TFDP2: variants seen among roughly 807,000 people sequenced by gnomAD.
The protein encoded by TFDP2 is transcription factor Dp-2, also known as transcription factor Dp-2 (E2F dimerization partner 2).
TFDP2 carries 17 observed loss-of-function variants against 59.3 expected under a neutral mutation model. That is an observed-to-expected ratio of 0.29 (90% CI 0.20 to 0.43). The LOEUF is 0.43. Among genes scored for constraint, TFDP2 ranks in the 20% least tolerant of loss-of-function variants. TFDP2 has a pLI of 1.00. For missense variants in TFDP2, 391 were observed against 528.8 expected (o/e 0.74, Z 2.56); for synonymous variants, 180 against 194.7 (o/e 0.92, Z 0.63).
chr3:142,126,945 CAAA>C (rs780512383), intron 1 of TFDP2, among the ~76,000 whole-genome samples: 6 of 55,430 alleles, frequency 1.1e-4, no homozygotes, highest in Admixed American at 4.0e-4. Flanking sequence ...GACCTTGTCT[CAAA>C]AAAAAAAAAA....
At chr3:142,035,762 TCCTGCACAAGCGCTCCTCTCTTTG>T (rs1946668187) in intron 3 of TFDP2, among the ~76,000 whole-genome samples, 1 of 152,192 alleles carries the variant, frequency 6.6e-6, no homozygotes, top group Non-Finnish European at 1.5e-5. Context: ...GTGGGAGTTT[TCCTGCACAAGCGCTCCTCTCTTTG>T]CCTGCTGCCA....
chr3:142,042,691 T>C (rs1190232560), intron 3 of TFDP2, among the ~76,000 whole-genome samples: 1 of 148,304 alleles, frequency 6.7e-6, no homozygotes, highest in Non-Finnish European at 1.5e-5. Context: ...ATGAATTTTA[T>C]ATATAGCTTT....
At chr3:142,089,117 C>T (rs2060913281) in intron 3 of TFDP2, among the ~76,000 whole-genome samples, 1 of 152,070 alleles carries the variant, frequency 6.6e-6, no homozygotes, top group African/African-American at 2.4e-5. Flanking sequence ...GTGTGAGTCA[C>T]TGCGTCCAGC....
chr3:141,969,202 A>G (rs1432236592), intron 9 of TFDP2, among the ~76,000 whole-genome samples: 4 of 87,164 alleles, frequency 4.6e-5, no homozygotes, highest in Non-Finnish European at 4.4e-5. Context: ...ATATATATAT[A>G]TAACATATAT....
At chr3:142,029,358 C>CA (rs1946311467) in intron 3 of TFDP2, among the ~76,000 whole-genome samples, 3 of 150,564 alleles carry the variant, frequency 2.0e-5, no homozygotes, top group Admixed American at 2.0e-4. Context: ...TTTTTTTTTC[C>CA]ACTTTCCCAC....
intron 4 of TFDP2, chr3:142,000,463 C>T (rs1269058793): frequency 1.4e-5 from 7 of 511,760 alleles, no homozygotes; most frequent in African/African-American, 3.8e-5. Context: ...CAAAAGGCCC[C>T]GCCTCTTAAT....
chr3:142,099,520 G>A (rs771779628), intron 2 of TFDP2, among the ~76,000 whole-genome samples: 10 of 151,958 alleles, frequency 6.6e-5, no homozygotes, highest in Non-Finnish European at 1.5e-4. Flanking sequence ...TGACCAACAT[G>A]GAGAAACCCC....
At chr3:142,074,267 G>T (rs1178857380) in intron 3 of TFDP2, among the ~76,000 whole-genome samples, 1 of 152,102 alleles carries the variant, frequency 6.6e-6, no homozygotes, top group African/African-American at 2.4e-5. Flanking sequence ...AAACTAGCCA[G>T]GCATGGTGGC....
intron 5 of TFDP2, among the ~76,000 whole-genome samples, chr3:141,994,048 A>G (rs1439822451): frequency 6.6e-6 from 1 of 152,234 alleles, no homozygotes; most frequent in Non-Finnish European, 1.5e-5. Context: ...TGATCTACAT[A>G]AGAATGTTCA....
At chr3:142,120,326 C>T (rs886086013) in intron 1 of TFDP2, among the ~76,000 whole-genome samples, 4 of 151,950 alleles carry the variant, frequency 2.6e-5, no homozygotes, top group Non-Finnish European at 5.9e-5. Flanking sequence ...CGCGCCACTG[C>T]ACTCCAACCT....
chr3:141,978,477 G>A (rs1330954876), intron 7 of TFDP2, 43 bp downstream of exon 7: 3 of 1,572,738 alleles, frequency 1.9e-6, no homozygotes, highest in Non-Finnish European at 2.6e-6. Context: ...CAAAGAAGTA[G>A]CATCATCCAT....
chr3:142,024,061 T>C (rs1560052591), intron 3 of TFDP2, among the ~76,000 whole-genome samples: 1 of 152,216 alleles, frequency 6.6e-6, no homozygotes, highest in Non-Finnish European at 1.5e-5. Flanking sequence ...CTCCAGGTGC[T>C]GGGATTACAG....
At chr3:142,081,775 C>T (rs1278611371) in intron 3 of TFDP2, among the ~76,000 whole-genome samples, 1 of 152,072 alleles carries the variant, frequency 6.6e-6, no homozygotes, top group Non-Finnish European at 1.5e-5. Flanking sequence ...CAACACTGAA[C>T]CATAAAGTAA....
chr3:142,058,672 G>C (rs2059819966), intron 3 of TFDP2, among the ~76,000 whole-genome samples: 1 of 152,144 alleles, frequency 6.6e-6, no homozygotes. Flanking sequence ...AAATCGAAGA[G>C]AAACGTAAGA....
At chr3:142,041,785 A>G (rs1946983990) in intron 3 of TFDP2, among the ~76,000 whole-genome samples, 2 of 152,136 alleles carry the variant, frequency 1.3e-5, no homozygotes, top group African/African-American at 2.4e-5. Flanking sequence ...GAAGTTTTAT[A>G]GTTTTATATT....
intron 1 of TFDP2, among the ~76,000 whole-genome samples, chr3:142,104,147 C>G (rs1008986276): frequency 6.6e-6 from 1 of 152,104 alleles, no homozygotes; most frequent in Non-Finnish European, 1.5e-5. Flanking sequence ...ACAAGTTTTG[C>G]TTACAGTAGT....
At chr3:142,013,646 G>A (rs1944895971) in intron 3 of TFDP2, among the ~76,000 whole-genome samples, 2 of 152,168 alleles carry the variant, frequency 1.3e-5, no homozygotes, top group Non-Finnish European at 2.9e-5. Flanking sequence ...AAGTGGCTAA[G>A]AAACAGAACT....
intron 1 of TFDP2, among the ~76,000 whole-genome samples, chr3:142,104,733 GTATATT>G (rs1277212739): frequency 6.6e-6 from 1 of 151,914 alleles, no homozygotes; most frequent in Non-Finnish European, 1.5e-5. Flanking sequence ...AGTACTTAGG[GTATATT>G]TATATTTCTT....
At chr3:141,994,915 G>A (rs979369498) in intron 5 of TFDP2, 105 bp downstream of exon 5, 51 of 992,464 alleles carry the variant, frequency 5.1e-5, no homozygotes, top group Non-Finnish European at 7.0e-5. Context: ...AAAAACATTT[G>A]TTTTTAAGAA....
Sources: gnomAD v4.1 joint callset for allele counts (sites outside exome capture counted in the v4.1 genomes callset) on GRCh38, gnomAD v4.1.1 for gene constraint, MANE v1.5 for transcripts, NCBI Gene and HGNC (gene_info 2026-07-23, HGNC 2026-07-21) for gene names.